The following OR2A25 variants were observed in gnomAD, a reference collection of about 807,000 sequenced individuals.
OR2A25 encodes olfactory receptor 2A25.
For synonymous variants in OR2A25, 162 were observed against 148.1 expected (o/e 1.09, Z -0.68); for missense variants, 362 against 368.3 (o/e 0.98, Z 0.14).
In OR2A25 at chr7:144,074,451, C is replaced by A. The variant is rs770933489; in HGVS notation, c.232C>A (p.Pro78Thr). The change falls in exon 2 of 2, where the codon CCC (proline) becomes ACC (threonine). Residue 78 changes from proline to threonine, a missense_variant. Coordinates refer to ENST00000641663, the MANE Select transcript of OR2A25 (RefSeq NM_001386096.1). ...CATCGCCTGTGCTTGCAGCACGGTG[C>A]CCCAGATGCTGGTGAACCTCCTGCA... ...VDIACACSTVPQMLVNLLHPA... is the reference protein window; with the variant it reads ...VDIACACSTVTQMLVNLLHPA... 1 of 1,614,176 alleles carries A rather than the reference C, an allele frequency of 6.2e-7. No individual in the cohort carries two copies. The highest frequency in any genetic ancestry group is 8.5e-7 in the Non-Finnish European group (1 of 1,180,010).
chr7:144,074,916 T>A lies in OR2A25; in HGVS notation c.697T>A (p.Cys233Ser), dbSNP rs1460370120. 1.9e-6 allele frequency: 3 copies of A among 1,613,970 alleles called. No homozygotes were observed. The highest frequency in any genetic ancestry group is 2.5e-6 in the Non-Finnish European group (3 of 1,180,016). The stretch of plus-strand genomic sequence containing the variant: ...TCTAAAGATCCAGTCAGGAGAGGGG[T>A]GCCAGAAAGCCTTCTCCATCTGCTC... ...AILKIQSGEGCQKAFSICSSH... is the reference protein window; with the variant it reads ...AILKIQSGEGSQKAFSICSSH... The change falls in exon 2 of 2, where the codon TGC becomes AGC. Residue 233 changes from cysteine (C) to serine (S), a missense_variant. Transcript: ENST00000641663.
intron 1 of OR2A25, among the ~76,000 whole-genome samples, chr7:144,072,987 A>G (rs1048827520): frequency 5.3e-5 from 8 of 152,172 alleles, no homozygotes; most frequent in Non-Finnish European, 1.0e-4. Context: ...CAAGCTAAGC[A>G]CAGAATGACA....
chr7:144,071,723 A>G (rs1369104659), intron 1 of OR2A25, among the ~76,000 whole-genome samples: 2 of 152,158 alleles, frequency 1.3e-5, no homozygotes, highest in African/African-American at 2.4e-5. Context: ...GGGGAAGATG[A>G]GATGACACCA....
chr7:144,074,416 C>A lies in OR2A25; in HGVS notation c.197C>A (p.Ala66Glu). Reference sequence around the variant, plus strand: ...ATGTACTTCTTCCTCTCACACCTGGCGGTCGTCGACATCGCCTGTGCTTGC... The same window carrying A: ...ATGTACTTCTTCCTCTCACACCTGGAGGTCGTCGACATCGCCTGTGCTTGC... ...TPMYFFLSHL[A>E]VVDIACACST... The change falls in exon 2 of 2, where the codon GCG (alanine) becomes GAG (glutamate). Residue 66 changes from alanine to glutamate, a missense_variant. By Grantham distance (107) the Ala-to-Glu change is moderately radical. Coordinates refer to ENST00000641663, the MANE Select transcript of OR2A25 (RefSeq NM_001386096.1). 1 of 1,614,182 alleles carries A rather than the reference C, an allele frequency of 6.2e-7. No homozygotes were observed. The highest frequency in any genetic ancestry group is 8.5e-7 in the Non-Finnish European group (1 of 1,180,032).
At chr7:144,074,162 T>C in intron 1 of OR2A25, 54 bp from the exon 2 acceptor site, 1 of 1,484,732 alleles carries the variant, frequency 6.7e-7, no homozygotes, top group East Asian at 2.3e-5. Context: ...TGCAGCATGC[T>C]TAAACATTTG....
At position 144,075,242 on chromosome 7, in the gene OR2A25, T is replaced by C; in HGVS notation, c.*90T>C. The C allele has an allele frequency of 1.1e-6, 1 of 913,310 alleles. No homozygotes were observed. Among genetic ancestry groups the C allele is most frequent in the Non-Finnish European group, 1.7e-6 (1 of 593,040 alleles). The allele number at this position is 913,310 out of a possible 1,614,324, so 56.6% of individuals were successfully genotyped here. On this transcript the variant is annotated 3_prime_UTR_variant, in exon 2 of 2. Transcript: ENST00000641663. ...CTACTCAGGATACATAATCACACTC[T>C]AGAGAACCCTTTCCATCTTCTTGAA...
At chr7:144,070,898 T>C (rs537339241) in intron 1 of OR2A25, among the ~76,000 whole-genome samples, 1 of 151,998 alleles carries the variant, frequency 6.6e-6, no homozygotes, top group African/African-American at 2.4e-5. Context: ...AGGCACGCAA[T>C]GTGAAATAAG....
rs762567635 is a variant in OR2A25 at position 144,074,302 on chromosome 7, G to T, written c.83G>T (p.Gly28Val). 56 of 1,613,794 alleles carry T rather than the reference G, an allele frequency of 3.5e-5. No individual in the cohort carries two copies. In the Admixed American group the frequency reaches 9.2e-4, roughly 26 times the overall value. The part of the protein sequence containing the change: ...IGPRIQMLLF[G>V]LFSLFYIFIL... ...CCAAGGATTCAGATGCTCCTCTTTG[G>T]GCTCTTCTCCCTGTTCTACATCTTC... is the stretch of plus-strand genomic sequence containing the variant. Residue 28 changes from glycine to valine, a missense_variant, in exon 2 of 2, where the codon GGG (glycine) becomes GTG (valine). By Grantham distance (109) the Gly-to-Val change is moderately radical. Transcript: ENST00000641663.
chr7:144,071,814 T>C (rs2051069293), intron 1 of OR2A25, among the ~76,000 whole-genome samples: 2 of 151,530 alleles, frequency 1.3e-5, no homozygotes, highest in Non-Finnish European at 2.9e-5. Flanking sequence ...ACTCAGATAT[T>C]GCAAGGAAGT....
intron 1 of OR2A25, among the ~76,000 whole-genome samples, chr7:144,072,343 G>A (rs1473344061): frequency 6.6e-6 from 1 of 151,626 alleles, no homozygotes; most frequent in East Asian, 1.9e-4. Flanking sequence ...TAAAACATTT[G>A]ATAGGCCACA....
intron 1 of OR2A25, among the ~76,000 whole-genome samples, chr7:144,071,734 T>C (rs568183345): frequency 4.6e-5 from 7 of 152,264 alleles, no homozygotes; most frequent in African/African-American, 1.4e-4. Flanking sequence ...GATGACACCA[T>C]TGGTCCTTCT....
intron 1 of OR2A25, 43 bp from the exon 2 acceptor site, chr7:144,074,173 C>T: frequency 6.5e-7 from 1 of 1,543,012 alleles, no homozygotes. Context: ...TAAACATTTG[C>T]CTTAGACATT....
In OR2A25 at chr7:144,074,272, T is replaced by C. The variant is rs777970050; in HGVS notation, c.53T>C (p.Ile18Thr). The change falls in exon 2 of 2, where the codon ATT becomes ACT. Residue 18 changes from isoleucine (I) to threonine (T), a missense_variant. Ile to Thr is a moderately conservative substitution (Grantham distance 89). Coordinates refer to ENST00000641663, the MANE Select transcript of OR2A25 (RefSeq NM_001386096.1). Reference sequence around the variant, plus strand: ...GAGTTCCTCCTACTGGGATTTCCCATTGGCCCAAGGATTCAGATGCTCCTC... The same window carrying C: ...GAGTTCCTCCTACTGGGATTTCCCACTGGCCCAAGGATTCAGATGCTCCTC... Reference protein sequence around the residue: ...ITEFLLLGFPIGPRIQMLLFG... With the variant: ...ITEFLLLGFPTGPRIQMLLFG... The C allele has an allele frequency of 2.5e-5, 41 of 1,614,014 alleles. No homozygotes were observed. In the East Asian group the frequency reaches 6.5e-4, roughly 25 times the overall value.
rs867086125 is a variant in OR2A25, at chr7:144,075,011, G to C, written c.792G>C (p.Glu264Asp). 6.2e-7 allele frequency: 1 copy of C among 1,614,116 alleles called. No individual in the cohort carries two copies. The highest frequency in any genetic ancestry group is 8.5e-7 in the Non-Finnish European group (1 of 1,180,024). The change falls in exon 2 of 2, where the codon GAG becomes GAC. Residue 264 changes from glutamate to aspartate, a missense_variant. Transcript: ENST00000641663. ...TCATGTATGTTGAGCCCCAGTATGA[G>C]AGCCCCAAGGAGCAGAAGAAATATC... ...AIIMYVEPQY[E>D]SPKEQKKYLL...
intron 1 of OR2A25, among the ~76,000 whole-genome samples, chr7:144,071,292 C>T (rs1249537686): frequency 6.6e-6 from 1 of 152,016 alleles, no homozygotes; most frequent in Non-Finnish European, 1.5e-5. Context: ...CTGTGCCTGG[C>T]TTATTTAATT....
chr7:144,074,825 A>T lies in OR2A25; in HGVS notation c.606A>T (p.Ala202=). 1 of 1,614,178 alleles carries T rather than the reference A, an allele frequency of 6.2e-7. No homozygotes were observed. Among genetic ancestry groups the T allele is most frequent in the Non-Finnish European group, 8.5e-7 (1 of 1,180,020 alleles). ...ATGAGGTAATGGTTTTGGCAGGGGCAGTGTCTGTGCTGGTGGGAGCCTTCT... is the reference window on the plus strand; with the variant it reads ...ATGAGGTAATGGTTTTGGCAGGGGCTGTGTCTGTGCTGGTGGGAGCCTTCT... ...HINEVMVLAG[A]VSVLVGAFFS... Residue 202 remains alanine (A), a synonymous_variant, in exon 2 of 2, where the codon GCA becomes GCT. Transcript: ENST00000641663.
At chr7:144,073,510 A>C (rs940473597) in intron 1 of OR2A25, among the ~76,000 whole-genome samples, 11 of 152,090 alleles carry the variant, frequency 7.2e-5, no homozygotes, top group Admixed American at 1.3e-4. Flanking sequence ...TGAAATGTAC[A>C]ATGAAATATA....
chr7:144,073,875 G>A lies in OR2A25; in HGVS notation c.-4-341G>A, dbSNP rs543076014. ...AAGTACCCTGCAATGAAGGAATACA[G>A]AAGGCAAGCATCTGATGTAATCATC... On this transcript the variant is annotated intron_variant, in intron 1 of 1. Transcript: ENST00000641663. Among the ~76,000 whole-genome samples, 169 of 152,286 alleles carry A rather than the reference G, an allele frequency of 1.1e-3. 1 individual carries two copies. Among genetic ancestry groups the A allele is most frequent in the Admixed American group, 3.2e-3 (49 of 15,292 alleles).
rs1014043671 is a variant in OR2A25 at position 144,075,526 on chromosome 7, T to C, written c.*374T>C. ...ACTGATAACAAAGTCATTATTTAAT[T>C]ATTCTTAATTTAGAACGTGCCGGCC... On this transcript the variant is annotated 3_prime_UTR_variant, in exon 2 of 2. Coordinates refer to ENST00000641663, the MANE Select transcript of OR2A25 (RefSeq NM_001386096.1). 2 of 160,534 alleles carry C rather than the reference T, an allele frequency of 1.2e-5. No individual in the cohort carries two copies. Among genetic ancestry groups the C allele is most frequent in the Non-Finnish European group, 1.4e-5 (1 of 73,358 alleles). 9.9% of individuals were successfully genotyped at this position (160,534 alleles called of 1,614,324 possible). A position where few individuals can be genotyped will look rare whatever the true frequency, so the allele number is the denominator to read the frequency against.
Sources: gnomAD v4.1 joint callset for allele counts (sites outside exome capture counted in the v4.1 genomes callset) on GRCh38, gnomAD v4.1.1 for gene constraint, MANE v1.5 for transcripts, NCBI Gene and HGNC (gene_info 2026-07-23, HGNC 2026-07-21) for gene names.